The following COCH variants were observed in gnomAD, a reference collection of about 807,000 sequenced individuals.
COCH encodes cochlin, also known as coagulation factor C homolog, cochlin (Limulus polyphemus).
In COCH, 40 loss-of-function variants were observed where a neutral mutation model predicts 54.8. The observed-to-expected ratio is 0.73, with a 90% confidence interval of 0.57 to 0.95. The LOEUF is 0.95. Ranked by LOEUF, COCH falls within the 40% of genes least tolerant of loss-of-function variation. The probability of loss-of-function intolerance (pLI) is 0.00; values close to 1 mark genes in which losing one functional copy is unlikely to be tolerated. For missense variants in COCH, 605 were observed against 675.0 expected, an observed-to-expected ratio of 0.90 and a Z score of 1.15; for synonymous variants, 256 against 237.9, an observed-to-expected ratio of 1.08 and a Z score of -0.70.
At chr14:30,886,645 A>G (rs543574651) in intron 11 of COCH, among the ~76,000 whole-genome samples, 3 of 152,334 alleles carry the variant, frequency 2.0e-5, no homozygotes, top group African/African-American at 4.8e-5. Context: ...TAAGGTGCTC[A>G]TATTTAGCTC....
In COCH at chr14:30,886,106, A is replaced by G. The variant is rs1333737829; in HGVS notation, c.1271A>G (p.Tyr424Cys). Residue 424 changes from tyrosine to cysteine, a missense_variant, in exon 11 of 12, where the codon TAT becomes TGT. Transcript: ENST00000396618. ...CGCACGGAGTTCAGTTTCACTGACTATAGCACCAAAGAGAATGTCCTAGCT... is the reference window on the plus strand; with the variant it reads ...CGCACGGAGTTCAGTTTCACTGACTGTAGCACCAAAGAGAATGTCCTAGCT... Reference protein sequence around the residue: ...DQRTEFSFTDYSTKENVLAVI... With the variant: ...DQRTEFSFTDCSTKENVLAVI... 2 of 1,614,122 alleles carry G rather than the reference A, an allele frequency of 1.2e-6. No homozygotes were observed. The highest frequency in any genetic ancestry group is 1.3e-5 in the African/African-American group (1 of 75,060).
At chr14:30,887,435 C>T (rs1895829421) in intron 11 of COCH, among the ~76,000 whole-genome samples, 1 of 151,656 alleles carries the variant, frequency 6.6e-6, no homozygotes, top group African/African-American at 2.4e-5. Context: ...TTCCCCCCCG[C>T]TTAAGATAAT....
At chr14:30,879,834 T>A (rs543000448) in intron 6 of COCH, among the ~76,000 whole-genome samples, 84 of 151,098 alleles carry the variant, frequency 5.6e-4, no homozygotes, top group South Asian at 3.6e-3. Context: ...TAATTTTTTT[T>A]ATTTTTATTT....
At position 30,880,817 on chromosome 14, in the gene COCH, A is replaced by G. The variant is rs73260346; in HGVS notation, c.629+83A>G. 6,342 of 1,022,014 alleles carry G rather than the reference A, an allele frequency of 6.2e-3. 239 individuals are homozygous for G. The African/African-American group carries it at 0.086, about 14-fold the overall frequency. The allele number at this position is 1,022,014 out of a possible 1,614,324, so 63.3% of individuals were successfully genotyped here. A position where few individuals can be genotyped will look rare whatever the true frequency, so the allele number is the denominator to read the frequency against. ...TAATAATTATATATACTTATGGGGT[A>G]CATAGTGATGTTTTCATACATACAA... is the stretch of plus-strand genomic sequence containing the variant. On this transcript the variant is annotated intron_variant, in intron 8 of 11. Transcript: ENST00000396618.
chr14:30,887,433 C>A (rs968204869), intron 11 of COCH, among the ~76,000 whole-genome samples: 1 of 151,766 alleles, frequency 6.6e-6, no homozygotes, highest in African/African-American at 2.4e-5. Flanking sequence ...TTTTCCCCCC[C>A]GCTTAAGATA....
Position 30,880,458 on chromosome 14 carries a change from G to T in COCH, c.443G>T (p.Arg148Leu). The T allele has an allele frequency of 1.2e-6, 2 of 1,613,856 alleles. No homozygotes were observed. Among genetic ancestry groups the T allele is most frequent in the South Asian group, 2.2e-5 (2 of 90,966 alleles). Residue 148 changes from arginine (R) to leucine (L), a missense_variant, in exon 7 of 12, where the codon CGA becomes CTA. Physicochemically the swap from Arg to Leu is moderately radical, Grantham distance 102 (BLOSUM62 -2). Transcript: ENST00000396618. ...VSTAHPPTGK[R>L]LKKTPEKKTG... Reference sequence around the variant, plus strand: ...AGTGCATCTTTTATTTCAGGTAAACGACTAAAGAAAACACCCGAGAAGAAA... The same window carrying T: ...AGTGCATCTTTTATTTCAGGTAAACTACTAAAGAAAACACCCGAGAAGAAA...
At chr14:30,893,361 C>G (rs1366071226), downstream of COCH, among the ~76,000 whole-genome samples, 4 of 151,790 alleles carry the variant, frequency 2.6e-5, no homozygotes, top group Admixed American at 2.6e-4. Flanking sequence ...ATCGTGTTAG[C>G]CAGGATGGTC....
intron 5 of COCH, 114 bp from the exon 6 acceptor site, chr14:30,879,309 C>A: frequency 9.4e-7 from 1 of 1,067,134 alleles, no homozygotes; most frequent in Non-Finnish European, 1.4e-6. Flanking sequence ...ATGTTTGTAA[C>A]TACAATCACC....
At chr14:30,887,011 C>T (rs979516752) in intron 11 of COCH, among the ~76,000 whole-genome samples, 1 of 152,286 alleles carries the variant, frequency 6.6e-6, no homozygotes, top group Non-Finnish European at 1.5e-5. Context: ...CATAAGCCAC[C>T]ACACCCAACC....
At chr14:30,876,263 T>C (rs1895353907) in intron 3 of COCH, 1 of 152,258 alleles carries the variant, frequency 6.6e-6, no homozygotes, top group Non-Finnish European at 1.5e-5. Flanking sequence ...TGTTGTATTA[T>C]GTTATCTTGT....
intron 3 of COCH, chr14:30,875,373 C>T (rs1895320211): frequency 1.6e-6 from 1 of 606,386 alleles, no homozygotes; most frequent in Non-Finnish European, 2.9e-6. Flanking sequence ...CAGGCCCACC[C>T]ACAGCCCCAG....
At chr14:30,875,281 T>G (rs1895315825) in intron 3 of COCH, 178 bp downstream of exon 3, 5 of 878,990 alleles carry the variant, frequency 5.7e-6, no homozygotes, top group Admixed American at 2.7e-5. Context: ...CTGCTCCTGC[T>G]CACCTGTTTC....
chr14:30,885,781 T>C lies in COCH; in HGVS notation c.961-15T>C. 1 of 1,613,670 alleles carries C rather than the reference T, an allele frequency of 6.2e-7. No individual in the cohort carries two copies. Among genetic ancestry groups the C allele is most frequent in the South Asian group, 1.1e-5 (1 of 91,084 alleles). ...TTGATCCTTTTGGATATCTTTTATGTGTCTCCCCCATTAGGCTGTCTGTCG... is the reference window on the plus strand; with the variant it reads ...TTGATCCTTTTGGATATCTTTTATGCGTCTCCCCCATTAGGCTGTCTGTCG... On this transcript the variant is annotated splice_polypyrimidine_tract_variant and intron_variant, in intron 10 of 11. Transcript: ENST00000396618.
downstream of COCH, among the ~76,000 whole-genome samples, chr14:30,892,570 G>A (rs1408179117): frequency 1.3e-5 from 2 of 152,102 alleles, no homozygotes; most frequent in African/African-American, 2.4e-5. Context: ...TTGGGAGGCC[G>A]AGGCGGGTGG....
chr14:30,889,786 CAAT>C lies in COCH; in HGVS notation c.1652_*1del, dbSNP rs768219316. The C allele has an allele frequency of 6.2e-7, 1 of 1,608,734 alleles. No individual in the cohort carries two copies. The highest frequency in any genetic ancestry group is 8.5e-7 in the Non-Finnish European group (1 of 1,175,736). ...TTGTAGAGATTTCTTAGAATCCCAG[CAAT>C]AATGGTAACATTTTGACAACTGAAA... On this transcript the variant is annotated stop_lost and inframe_deletion, in exon 12 of 12. Transcript: ENST00000396618.
In COCH at chr14:30,889,815, G is replaced by A. The variant is rs1328396761; in HGVS notation, c.*24G>A. Reference sequence around the variant, plus strand: ...AATGGTAACATTTTGACAACTGAAAGAAAAAGTACAAGGGGATCCAGTGTG... The same window carrying A: ...AATGGTAACATTTTGACAACTGAAAAAAAAAGTACAAGGGGATCCAGTGTG... On this transcript the variant is annotated 3_prime_UTR_variant, in exon 12 of 12. Transcript: ENST00000396618. The A allele has an allele frequency of 6.2e-7, 1 of 1,604,782 alleles. No homozygotes were observed. The highest frequency in any genetic ancestry group is 8.5e-7 in the Non-Finnish European group (1 of 1,174,004).
rs536159429 is a variant in COCH at position 30,879,354 on chromosome 14, T to C, written c.374-69T>C. On this transcript the variant is annotated intron_variant, in intron 5 of 11. Coordinates refer to ENST00000396618, the MANE Select transcript of COCH (RefSeq NM_004086.3). ...TTACATTTGTCATTGTAGAGAGCTC[T>C]AAATTAGATTCATAATACTTTGGTA... The C allele has an allele frequency of 2.4e-4, 361 of 1,473,620 alleles. 8 individuals carry two copies. The South Asian group carries it at 3.1e-3, about 13-fold the overall frequency. The allele number at this position is 1,473,620 out of a possible 1,614,324, so 91.3% of individuals were successfully genotyped here.
chr14:30,890,070 C>T lies in COCH; in HGVS notation c.*279C>T. On this transcript the variant is annotated 3_prime_UTR_variant, in exon 12 of 12. Coordinates refer to ENST00000396618, the MANE Select transcript of COCH (RefSeq NM_004086.3). Reference sequence around the variant, plus strand: ...TGGATTAAAACCTTAAGAGTTCTAACCATGCCTACTAAATGTACAGATATG... The same window carrying T: ...TGGATTAAAACCTTAAGAGTTCTAATCATGCCTACTAAATGTACAGATATG... 9.0e-7 allele frequency: 1 copy of T among 1,111,290 alleles called. No homozygotes were observed. The highest frequency in any genetic ancestry group is 1.1e-6 in the Non-Finnish European group (1 of 907,438). 68.8% of individuals were successfully genotyped at this position (1,111,290 alleles called of 1,614,324 possible). A position where few individuals can be genotyped will look rare whatever the true frequency, so the allele number is the denominator to read the frequency against.
Position 30,889,636 on chromosome 14 carries a change from G to A in COCH, c.1498G>A (p.Gly500Ser). The A allele has an allele frequency of 1.2e-6, 2 of 1,613,930 alleles. No individual in the cohort carries two copies. Among genetic ancestry groups the A allele is most frequent in the Non-Finnish European group, 1.7e-6 (2 of 1,179,864 alleles). ...HDAGITIFSV[G>S]VAWAPLDDLK... Reference sequence around the variant, plus strand: ...TGTAGGAATCACTATCTTCTCTGTTGGTGTGGCTTGGGCACCTCTGGATGA... The same window carrying A: ...TGTAGGAATCACTATCTTCTCTGTTAGTGTGGCTTGGGCACCTCTGGATGA... Residue 500 changes from glycine to serine, a missense_variant, in exon 12 of 12, where the codon GGT (glycine) becomes AGT (serine). Physicochemically the swap from Gly to Ser is moderately conservative, Grantham distance 56 (BLOSUM62 0). Coordinates refer to ENST00000396618, the MANE Select transcript of COCH (RefSeq NM_004086.3).
Sources: allele counts gnomAD v4.1 joint callset (sites outside exome capture counted in the v4.1 genomes callset), GRCh38; gene constraint gnomAD v4.1.1; transcripts MANE v1.5; gene names NCBI Gene and HGNC (gene_info 2026-07-23, HGNC 2026-07-21).